CDH9: variants seen among roughly 807,000 people sequenced by gnomAD.
The protein encoded by CDH9 is cadherin-9.
In CDH9, 28 loss-of-function variants were observed where a neutral mutation model predicts 70.9. That is an observed-to-expected ratio of 0.40 (90% CI 0.29 to 0.54). CDH9 has a LOEUF of 0.54. CDH9 is among the 20% of genes least tolerant of loss of function. CDH9 has a pLI of 0.59. For missense variants in CDH9, 874 were observed against 984.4 expected (o/e 0.89, Z 1.50); for synonymous variants, 409 against 343.1 (o/e 1.19, Z -2.12).
intron 2 of CDH9, among the ~76,000 whole-genome samples, chr5:26,918,195 G>C (rs1201927812): frequency 6.6e-6 from 1 of 152,030 alleles, no homozygotes; most frequent in Admixed American, 6.6e-5. Context: ...TTTCAAGCCT[G>C]ATGTTTGCAT....
chr5:26,993,173 C>T (rs1468109221), intron 1 of CDH9, among the ~76,000 whole-genome samples: 2 of 150,912 alleles, frequency 1.3e-5, no homozygotes, highest in South Asian at 2.1e-4. Context: ...ACAGTAAATG[C>T]CATTCTAGTG....
chr5:26,885,692 C>A lies in CDH9; in HGVS notation c.1804G>T (p.Ala602Ser), dbSNP rs764653452. The A allele has an allele frequency of 6.2e-7, 1 of 1,613,492 alleles. No individual in the cohort carries two copies. The highest frequency in any genetic ancestry group is 1.1e-5 in the South Asian group (1 of 91,060). The change falls in exon 11 of 12, where the codon GCA (alanine) becomes TCA (serine). Residue 602 changes from alanine to serine, a missense_variant. By Grantham distance (99) the Ala-to-Ser change is moderately conservative (BLOSUM62 1). Transcript: ENST00000231021. ...DNQGNMQSCT[A>S]EALILSAGLS... is the part of the protein sequence containing the mutation. ...CCGGCTGAAAGGATCAGGGCTTCTG[C>A]GGTGCAGGATTGCATGTTTCCTTGA...
At chr5:26,951,339 C>T (rs1351219648) in intron 2 of CDH9, among the ~76,000 whole-genome samples, 1 of 136,554 alleles carries the variant, frequency 7.3e-6, no homozygotes, top group African/African-American at 2.6e-5. Flanking sequence ...ATGATCTAAT[C>T]TCCTCGTAAC....
chr5:26,970,132 AGTT>A (rs1487224280), intron 2 of CDH9, among the ~76,000 whole-genome samples: 1 of 151,422 alleles, frequency 6.6e-6, no homozygotes, highest in Non-Finnish European at 1.5e-5. Context: ...AGTTAAATAT[AGTT>A]ATTAAATTAA....
chr5:26,925,195 A>T (rs1211716434), intron 2 of CDH9, among the ~76,000 whole-genome samples: 1 of 152,076 alleles, frequency 6.6e-6, no homozygotes, highest in Non-Finnish European at 1.5e-5. Flanking sequence ...CTATTTCTCC[A>T]CATCCTCTCC....
intron 9 of CDH9, among the ~76,000 whole-genome samples, chr5:26,888,321 A>C (rs1019329053): frequency 6.6e-6 from 1 of 152,184 alleles, no homozygotes; most frequent in Admixed American, 6.6e-5. Context: ...GAATTATATC[A>C]AAAGAAAGAG....
intron 2 of CDH9, among the ~76,000 whole-genome samples, chr5:26,924,528 T>C (rs1234715850): frequency 6.7e-6 from 1 of 149,008 alleles, no homozygotes; most frequent in Non-Finnish European, 1.5e-5. Flanking sequence ...AATATATATA[T>C]ATTATATATA....
chr5:26,925,123 C>T (rs1741313870), intron 2 of CDH9, among the ~76,000 whole-genome samples: 1 of 152,116 alleles, frequency 6.6e-6, no homozygotes, highest in African/African-American at 2.4e-5. Flanking sequence ...TGAGGAATTG[C>T]CACACTGTCT....
intron 2 of CDH9, among the ~76,000 whole-genome samples, chr5:26,934,756 T>A (rs1342100435): frequency 1.3e-5 from 2 of 152,108 alleles, no homozygotes; most frequent in South Asian, 4.1e-4. Context: ...GAATTAACAA[T>A]TAATATCCTT....
intron 3 of CDH9, among the ~76,000 whole-genome samples, chr5:26,911,275 G>T (rs1015599951): frequency 2.6e-5 from 4 of 152,136 alleles, no homozygotes; most frequent in African/African-American, 7.2e-5. Flanking sequence ...GTATGTGATA[G>T]AGCTGGACTA....
chr5:26,932,925 T>C (rs1741488481), intron 2 of CDH9, among the ~76,000 whole-genome samples: 1 of 150,294 alleles, frequency 6.7e-6, no homozygotes, highest in South Asian at 2.1e-4. Flanking sequence ...AAATTAATTA[T>C]AATTTAAAAT....
chr5:26,881,522 C>A lies in CDH9; in HGVS notation c.1984G>T (p.Glu662Ter). The change falls in exon 12 of 12, where the codon GAA (glutamate) becomes TAA (stop). Residue 662 changes from glutamate to a stop codon, truncating the protein, a stop_gained. Transcript: ENST00000231021. LOFTEE classifies it high-confidence loss of function. ...TGGGTATCTTCTTCCCCGCCGCCTT[C>A]ATCGTTGTAGGTCACAATGTTGTCC... ...VRDNIVTYND[E>*]GGGEEDTQAF... 1 of 1,613,786 alleles carries A rather than the reference C, an allele frequency of 6.2e-7. No homozygotes were observed. Among genetic ancestry groups the A allele is most frequent in the South Asian group, 1.1e-5 (1 of 91,082 alleles).
At chr5:26,948,639 T>C (rs887450865) in intron 2 of CDH9, among the ~76,000 whole-genome samples, 3 of 152,214 alleles carry the variant, frequency 2.0e-5, no homozygotes, top group Admixed American at 6.5e-5. Context: ...CATGTATATA[T>C]GTTTTCTACT....
intron 2 of CDH9, among the ~76,000 whole-genome samples, chr5:26,929,005 G>C (rs1741394234): frequency 6.6e-6 from 1 of 151,856 alleles, no homozygotes; most frequent in South Asian, 2.1e-4. Context: ...ACTATATCAA[G>C]TTAAAAAGCA....
intron 2 of CDH9, among the ~76,000 whole-genome samples, chr5:26,938,221 A>G (rs185594362): frequency 6.6e-6 from 1 of 151,786 alleles, no homozygotes; most frequent in Admixed American, 6.6e-5. Context: ...TAAAAAAGTG[A>G]AAAAGCCATA....
chr5:26,965,878 G>A (rs1339641840), intron 2 of CDH9, among the ~76,000 whole-genome samples: 1 of 152,078 alleles, frequency 6.6e-6, no homozygotes, highest in Non-Finnish European at 1.5e-5. Context: ...ATTAGTCTAT[G>A]AAAATATAGA....
chr5:26,941,387 T>A (rs1002569660), intron 2 of CDH9, among the ~76,000 whole-genome samples: 3 of 152,154 alleles, frequency 2.0e-5, no homozygotes, highest in Non-Finnish European at 4.4e-5. Context: ...ATCTGCTTGT[T>A]TTGTATGCCC....
At chr5:26,932,609 C>T (rs913580974) in intron 2 of CDH9, among the ~76,000 whole-genome samples, 1 of 152,000 alleles carries the variant, frequency 6.6e-6, no homozygotes, top group South Asian at 2.1e-4. Context: ...GAGTTAGCTT[C>T]GGAATGTCTT....
intron 1 of CDH9, among the ~76,000 whole-genome samples, chr5:27,003,189 T>G (rs536837170): frequency 2.0e-5 from 3 of 152,266 alleles, no homozygotes; most frequent in African/African-American, 7.2e-5. Flanking sequence ...CAAACAGTTT[T>G]GAATTGTGGA....
Sources: allele counts gnomAD v4.1 joint callset (sites outside exome capture counted in the v4.1 genomes callset), GRCh38; gene constraint gnomAD v4.1.1; transcripts MANE v1.5; gene names NCBI Gene and HGNC (gene_info 2026-07-23, HGNC 2026-07-21).